Variants in GAP43 observed in about 807,000 individuals in gnomAD.
GAP43 encodes growth associated protein 43.
GAP43 carries 6 observed loss-of-function variants against 18.6 expected under a neutral mutation model. The ratio of observed to expected loss-of-function variants is 0.32; its 90% CI spans 0.18 to 0.64. The LOEUF (loss-of-function observed/expected upper bound fraction) is 0.64, where lower values mean the gene tolerates loss of function less well. Among genes scored for constraint, GAP43 ranks in the 30% least tolerant of loss-of-function variants. GAP43 has a pLI of 0.78. For missense variants in GAP43, 292 were observed against 295.5 expected, an observed-to-expected ratio of 0.99 and a Z score of 0.09; for synonymous variants, 115 against 111.4, an observed-to-expected ratio of 1.03 and a Z score of -0.20.
chr3:115,680,921 G>A (rs1330911310), intron 2 of GAP43, among the ~76,000 whole-genome samples: 10 of 152,138 alleles, frequency 6.6e-5, no homozygotes, highest in Non-Finnish European at 1.5e-4. Flanking sequence ...CTTCTACCAA[G>A]CTGTGTGTTA....
intron 2 of GAP43, among the ~76,000 whole-genome samples, chr3:115,694,723 T>C (rs1709162618): frequency 6.6e-6 from 1 of 152,258 alleles, no homozygotes; most frequent in Non-Finnish European, 1.5e-5. Context: ...TTTTTTATTT[T>C]TCAACATGCG....
chr3:115,699,667 T>C (rs1709272266), intron 2 of GAP43, among the ~76,000 whole-genome samples: 1 of 152,178 alleles, frequency 6.6e-6, no homozygotes, highest in South Asian at 2.1e-4. Context: ...AACCCCCAAC[T>C]TGCTGTCTTG....
chr3:115,689,355 A>G (rs75605834), intron 2 of GAP43, among the ~76,000 whole-genome samples: 3,301 of 152,372 alleles, frequency 0.022, 112 homozygotes, highest in African/African-American at 0.074. Context: ...AGAATAGAGC[A>G]CAGCACATAG....
intron 2 of GAP43, among the ~76,000 whole-genome samples, chr3:115,695,024 G>T (rs1255778342): frequency 1.3e-5 from 2 of 152,152 alleles, no homozygotes; most frequent in Non-Finnish European, 1.5e-5. Context: ...AATGCCAGTT[G>T]AACTGTTTTT....
At chr3:115,677,160 G>C (rs1003082946) in intron 2 of GAP43, among the ~76,000 whole-genome samples, 4 of 152,134 alleles carry the variant, frequency 2.6e-5, no homozygotes, top group Admixed American at 1.3e-4. Context: ...CCATCGGTTG[G>C]TGAGTAGTGT....
chr3:115,702,496 G>A (rs757221807), intron 2 of GAP43, among the ~76,000 whole-genome samples: 3 of 152,088 alleles, frequency 2.0e-5, no homozygotes, highest in Non-Finnish European at 4.4e-5. Flanking sequence ...GCTCATTGAA[G>A]CTAAGAAAAA....
chr3:115,677,100 C>T (rs1219732934), intron 2 of GAP43, among the ~76,000 whole-genome samples: 1 of 152,198 alleles, frequency 6.6e-6, no homozygotes, highest in Non-Finnish European at 1.5e-5. Flanking sequence ...AAAGTATAAT[C>T]TCAGACCACC....
At chr3:115,695,720 CT>C (rs1709179306) in intron 2 of GAP43, among the ~76,000 whole-genome samples, 1 of 152,072 alleles carries the variant, frequency 6.6e-6, no homozygotes, top group Admixed American at 6.5e-5. Flanking sequence ...ACAATCACAT[CT>C]ACCTCCTACC....
rs1216233407 is a variant in GAP43 at position 115,644,598 on chromosome 3, T to G, written c.30+20879T>G. On this transcript the variant is annotated intron_variant, in intron 1 of 2. Transcript: ENST00000305124. This position sits in a 1 kb window ranked among gnomAD's most constrained non-coding sequence, Gnocchi z 4.2. ...AGTTTCAAGGCAAAAAGAAAAATCC[T>G]TTATGGTTACTGAGTATGCTGTGAA... 6.6e-6 allele frequency among the ~76,000 whole-genome samples: 1 copy of G among 152,094 alleles called. No homozygotes were observed. The highest frequency in any genetic ancestry group is 1.5e-5 in the Non-Finnish European group (1 of 67,978).
intron 1 of GAP43, among the ~76,000 whole-genome samples, chr3:115,652,755 C>T (rs1042277050): frequency 3.9e-5 from 6 of 152,088 alleles, no homozygotes; most frequent in Non-Finnish European, 8.8e-5. Flanking sequence ...TTTGCATATA[C>T]TTCTCACTGT....
intron 1 of GAP43, among the ~76,000 whole-genome samples, chr3:115,669,984 AATTTT>A (rs2107486109): frequency 8.6e-6 from 1 of 115,844 alleles, no homozygotes; most frequent in African/African-American, 4.0e-5. Flanking sequence ...TTTTTTTTTT[AATTTT>A]TTTTTTAATT....
In GAP43 at chr3:115,629,486, C is replaced by G. The variant is rs1318057421; in HGVS notation, c.30+5767C>G. ...CTTCGCTTGTACTCCACTCTCTGCC[C>G]ATGTTACCCTTCCCTCTCAGCCTGA... On this transcript the variant is annotated intron_variant, in intron 1 of 2. Coordinates refer to ENST00000305124, the MANE Select transcript of GAP43 (RefSeq NM_002045.4). Among the ~76,000 whole-genome samples the G allele has an allele frequency of 2.0e-5, 3 of 151,758 alleles. No individual in the cohort carries two copies. In the East Asian group the frequency reaches 5.8e-4, roughly 29 times the overall value.
intron 2 of GAP43, among the ~76,000 whole-genome samples, chr3:115,689,686 C>T (rs1472654894): frequency 1.3e-5 from 2 of 151,948 alleles, no homozygotes; most frequent in African/African-American, 4.8e-5. Flanking sequence ...AAGGTGGGCC[C>T]TTAGGAGGAA....
Position 115,663,790 on chromosome 3 carries a change from C to T in GAP43, c.31-12223C>T, listed in dbSNP as rs28399376. 2.1e-3 allele frequency: 3,258 copies of T among 1,551,722 alleles called. 70 individuals carry two copies. The African/African-American group carries it at 0.038, about 18-fold the overall frequency. On this transcript the variant is annotated intron_variant, in intron 1 of 2. Coordinates refer to ENST00000305124, the MANE Select transcript of GAP43 (RefSeq NM_002045.4). The stretch of plus-strand genomic sequence containing the variant: ...GGCAGACACTGGCGATGACAAAGTC[C>T]TGCTCTGAATTATGCCACCCCGCAC...
intron 1 of GAP43, among the ~76,000 whole-genome samples, chr3:115,661,812 G>T (rs964098816): frequency 1.8e-5 from 2 of 113,888 alleles, no homozygotes; most frequent in African/African-American, 7.9e-5. Flanking sequence ...CGCAAGTTTG[G>T]CTTGGGGAGA....
chr3:115,633,887 T>G (rs769585464), intron 1 of GAP43, among the ~76,000 whole-genome samples: 2 of 152,204 alleles, frequency 1.3e-5, no homozygotes, highest in Admixed American at 1.3e-4. Context: ...ACAGCTCAAT[T>G]GGATTTATAT....
chr3:115,658,160 C>T (rs1334956375), intron 1 of GAP43, among the ~76,000 whole-genome samples: 1 of 152,076 alleles, frequency 6.6e-6, no homozygotes, highest in Non-Finnish European at 1.5e-5. Context: ...AAACAAAATA[C>T]GATGTAAAGA....
chr3:115,710,538 AT>A (rs1287350135), intron 2 of GAP43, among the ~76,000 whole-genome samples: 2 of 152,162 alleles, frequency 1.3e-5, no homozygotes, highest in African/African-American at 4.8e-5. Flanking sequence ...GGTTCTGCTT[AT>A]TCCAGTTTTT....
chr3:115,710,739 A>G (rs1166503341), intron 2 of GAP43, among the ~76,000 whole-genome samples: 1 of 151,958 alleles, frequency 6.6e-6, no homozygotes, highest in Admixed American at 6.6e-5. Flanking sequence ...AAAACTGGGT[A>G]AAAAAAATAG....
Sources: allele counts gnomAD v4.1 joint callset (sites outside exome capture counted in the v4.1 genomes callset), GRCh38; gene constraint gnomAD v4.1.1; non-coding constraint Gnocchi (gnomAD v3.1); transcripts MANE v1.5; gene names NCBI Gene and HGNC (gene_info 2026-07-23, HGNC 2026-07-21).